ZNF28: variants seen among roughly 807,000 people sequenced by gnomAD.
The protein encoded by ZNF28 is zinc finger protein 28.
A neutral mutation model predicts 7.2 loss-of-function variants in ZNF28; 5 were observed. The observed-to-expected ratio is 0.70, with a 90% confidence interval of 0.36 to 1.46. The LOEUF (loss-of-function observed/expected upper bound fraction) is 1.46. Among genes scored for constraint, ZNF28 ranks in the 40% most tolerant of loss-of-function variants. ZNF28 has a pLI of 0.03. For missense variants in ZNF28, 879 were observed against 866.6 expected (o/e 1.01, Z -0.18); for synonymous variants, 288 against 292.4 (o/e 0.99, Z 0.15).
chr19:52,811,760 T>G (rs2063046282), intron 2 of ZNF28, among the ~76,000 whole-genome samples: 3 of 129,028 alleles, frequency 2.3e-5, no homozygotes, highest in East Asian at 2.4e-4. Flanking sequence ...GGGAGGGAGG[T>G]CGGGGGGGTC....
At chr19:52,806,246 T>C (rs1481743040) in intron 3 of ZNF28, among the ~76,000 whole-genome samples, 2 of 151,982 alleles carry the variant, frequency 1.3e-5, no homozygotes, top group Non-Finnish European at 2.9e-5. Context: ...CATGCTGGAG[T>C]GCAACGGTGC....
intron 1 of ZNF28, 88 bp downstream of exon 1, chr19:52,821,498 C>T (rs1269594991): frequency 6.6e-6 from 1 of 152,320 alleles, no homozygotes; most frequent in Non-Finnish European, 1.5e-5. Context: ...GGGAGAACTT[C>T]CAGGTCTAGG....
At chr19:52,810,755 GA>G (rs11454962) in intron 2 of ZNF28, 209 of 470,434 alleles carry the variant, frequency 4.4e-4, no homozygotes, top group South Asian at 5.8e-4. Flanking sequence ...GAAAGAAGGG[GA>G]AAAAAAAAGA....
rs373555087 is a variant in ZNF28, at chr19:52,799,851, C to T, written c.1994G>A (p.Cys665Tyr). Residue 665 changes from cysteine (C) to tyrosine (Y), a missense_variant, in exon 4 of 4, where the codon TGT becomes TAT. By Grantham distance (194) the Cys-to-Tyr change is radical. Transcript: ENST00000457749. ...RLHSGEKPYK[C>Y]NECGKVFNQQ... ...ATTAAAAACCTTGCCACATTCATTA[C>T]ACTTGTAAGGTTTCTCTCCACTATG... 6.2e-7 allele frequency: 1 copy of T among 1,613,972 alleles called. No individual in the cohort carries two copies. Among genetic ancestry groups the T allele is most frequent in the African/African-American group, 1.3e-5 (1 of 74,892 alleles).
chr19:52,818,403 C>A lies in ZNF28; in HGVS notation c.-73-372G>T, dbSNP rs530032011. 8.5e-5 allele frequency among the ~76,000 whole-genome samples: 13 copies of A among 152,126 alleles called. No homozygotes were observed. In the South Asian group the frequency reaches 2.7e-3, roughly 32 times the overall value. Reference sequence around the variant, plus strand: ...ACCAGCCTGGCCAACATGGAGAAACCCTCTCTCTACTAAAAATATAAAAAT... The same window carrying A: ...ACCAGCCTGGCCAACATGGAGAAACACTCTCTCTACTAAAAATATAAAAAT... On this transcript the variant is annotated intron_variant, in intron 1 of 3. Coordinates refer to ENST00000457749, the MANE Select transcript of ZNF28 (RefSeq NM_006969.5).
chr19:52,818,055 T>C, intron 1 of ZNF28, 24 bp from the exon 2 acceptor site: 1 of 1,580,154 alleles, frequency 6.3e-7, no homozygotes, highest in Non-Finnish European at 8.6e-7. Context: ...ATATGTTGTT[T>C]ATTGCTCAGA....
At chr19:52,808,520 C>T (rs1449272239) in intron 2 of ZNF28, among the ~76,000 whole-genome samples, 1 of 151,874 alleles carries the variant, frequency 6.6e-6, no homozygotes, top group Admixed American at 6.6e-5. Flanking sequence ...GTCTGTAATC[C>T]CAGCTACGCA....
At position 52,798,926 on chromosome 19, in the gene ZNF28, T is replaced by A; in HGVS notation, c.*762A>T. ...CCCACTAAAGGCTTTGCCACACTCATTGCACTTGTAAGGTTTCTCTCCAGT... is the reference window on the plus strand; with the variant it reads ...CCCACTAAAGGCTTTGCCACACTCAATGCACTTGTAAGGTTTCTCTCCAGT... On this transcript the variant is annotated 3_prime_UTR_variant, in exon 4 of 4. Transcript: ENST00000457749. The A allele has an allele frequency of 7.0e-7, 1 of 1,434,238 alleles. No individual in the cohort carries two copies. The highest frequency in any genetic ancestry group is 9.4e-7 in the Non-Finnish European group (1 of 1,061,514). The allele number at this position is 1,434,238 out of a possible 1,614,324, so 88.8% of individuals were successfully genotyped here.
chr19:52,816,915 G>A (rs557829265), intron 2 of ZNF28, among the ~76,000 whole-genome samples: 2 of 150,308 alleles, frequency 1.3e-5, no homozygotes, highest in East Asian at 2.0e-4. Context: ...AGATAAAAAA[G>A]CAGTACTCTC....
rs779340551 is a variant in ZNF28 at position 52,808,061 on chromosome 19, T to G, written c.88A>C (p.Arg30=). ...AGCATCACATCCCTGTAAAGAGTCC[T>G]CTGAGCAGGGTCCAGGCATTTCCAC... ...EEWKCLDPAQ[R]TLYRDVMLEN... The change falls in exon 3 of 4, where the codon AGG becomes CGG. Residue 30 remains arginine, a synonymous_variant. Coordinates refer to ENST00000457749, the MANE Select transcript of ZNF28 (RefSeq NM_006969.5). 6.2e-7 allele frequency: 1 copy of G among 1,613,594 alleles called. No individual in the cohort carries two copies. Among genetic ancestry groups the G allele is most frequent in the Non-Finnish European group, 8.5e-7 (1 of 1,179,586 alleles).
At chr19:52,808,185 T>C (rs1600445425) in intron 2 of ZNF28, 52 bp from the exon 3 acceptor site, 1 of 1,601,530 alleles carries the variant, frequency 6.2e-7, no homozygotes, top group Non-Finnish European at 8.5e-7. Flanking sequence ...TTCTTATCTT[T>C]ACAGAAAATG....
chr19:52,804,857 C>A (rs937321188), intron 3 of ZNF28, among the ~76,000 whole-genome samples: 8 of 152,210 alleles, frequency 5.3e-5, no homozygotes, highest in African/African-American at 1.7e-4. Flanking sequence ...GGAGAAAGAG[C>A]ATCTCATCAT....
intron 2 of ZNF28, among the ~76,000 whole-genome samples, chr19:52,811,604 A>G (rs1349075198): frequency 2.7e-4 from 37 of 138,974 alleles, no homozygotes; most frequent in East Asian, 8.9e-4. Flanking sequence ...GGAGGTGAGG[A>G]GCGTCTCTGC....
At chr19:52,809,944 C>CG in intron 2 of ZNF28, 21 of 850,372 alleles carry the variant, frequency 2.5e-5, no homozygotes, top group Non-Finnish European at 3.7e-5. Context: ...GAGGTTGCCC[C>CG]GGGGGGCGCA....
chr19:52,821,245 A>G lies in ZNF28; in HGVS notation c.-74+341T>C, dbSNP rs2904234. On this transcript the variant is annotated intron_variant, in intron 1 of 3. Coordinates refer to ENST00000457749, the MANE Select transcript of ZNF28 (RefSeq NM_006969.5). ...CGCTGTGCTCCAGGAACCCAGGAGG[A>G]TGAGGCTGGGAGGCGCACAGGGTGG... Among the ~76,000 whole-genome samples the G allele has an allele frequency of 1.1e-3, 168 of 151,732 alleles. 2 individuals are homozygous for G. The highest frequency in any genetic ancestry group is 4.7e-3 in the East Asian group (24 of 5,136).
chr19:52,804,416 T>C (rs371767708), intron 3 of ZNF28, among the ~76,000 whole-genome samples: 108 of 152,280 alleles, frequency 7.1e-4, no homozygotes, highest in African/African-American at 2.5e-3. Flanking sequence ...TGTCTCCCGG[T>C]CTGGAGTAGA....
chr19:52,816,422 T>C (rs1486872849), intron 2 of ZNF28, among the ~76,000 whole-genome samples: 1 of 145,726 alleles, frequency 6.9e-6, no homozygotes, highest in Non-Finnish European at 1.5e-5. Context: ...CCCAGCACTT[T>C]GGGAGGCTGA....
rs1345540512 is a variant in ZNF28, at chr19:52,798,317, A to G, written c.*1371T>C. 3.4e-6 allele frequency: 1 copy of G among 297,278 alleles called. No homozygotes were observed. Among genetic ancestry groups the G allele is most frequent in the Non-Finnish European group, 6.5e-6 (1 of 153,146 alleles). The allele number at this position is 297,278 out of a possible 1,614,324, so 18.4% of individuals were successfully genotyped here. On this transcript the variant is annotated 3_prime_UTR_variant, in exon 4 of 4. Coordinates refer to ENST00000457749, the MANE Select transcript of ZNF28 (RefSeq NM_006969.5). ...GCCCAGCCCAGTCCTCTTAACATAA[A>G]CAGTTTAATGTCAATTAATGCTTAA...
At chr19:52,815,540 ACTGT>A (rs1295434080) in intron 2 of ZNF28, among the ~76,000 whole-genome samples, 1 of 143,284 alleles carries the variant, frequency 7.0e-6, no homozygotes, top group Non-Finnish European at 1.5e-5. Flanking sequence ...AAAAAAAATA[ACTGT>A]CTGGGCGTGG....
Sources: allele counts gnomAD v4.1 joint callset (sites outside exome capture counted in the v4.1 genomes callset), GRCh38; gene constraint gnomAD v4.1.1; transcripts MANE v1.5; gene names NCBI Gene and HGNC (gene_info 2026-07-23, HGNC 2026-07-21).